RAD51B: variants seen among roughly 807,000 people sequenced by gnomAD.
The protein encoded by RAD51B is DNA repair protein RAD51 homolog 2.
A neutral mutation model predicts 42.2 loss-of-function variants in RAD51B; 38 were observed. The ratio of observed to expected loss-of-function variants is 0.90; its 90% CI spans 0.70 to 1.18. The LOEUF is 1.18. RAD51B is among the 50% of genes most tolerant of loss of function. RAD51B has a pLI of 0.00. For missense variants in RAD51B, 373 were observed against 400.7 expected (o/e 0.93, Z 0.59); for synonymous variants, 154 against 145.2 (o/e 1.06, Z -0.43).
At chr14:68,401,973 A>G (rs2084118573) in intron 8 of RAD51B, among the ~76,000 whole-genome samples, 1 of 152,216 alleles carries the variant, frequency 6.6e-6, no homozygotes, top group African/African-American at 2.4e-5. Context: ...TTATAGAGCT[A>G]GGTCAGAAAT....
rs867014074 is a variant in RAD51B at position 68,562,808 on chromosome 14, C to T, written c.1037-31677C>T. ...CCCATCCAGGGTATGGTACAGACAT[C>T]ACAAGGTAAGTATTCCAAGGCCAGA... On this transcript the variant is annotated intron_variant, in intron 10 of 10. Transcript: ENST00000487270. 7.2e-5 allele frequency: 71 copies of T among 985,262 alleles called. No individual in the cohort carries two copies. In the African/African-American group the frequency reaches 1.0e-3, roughly 14 times the overall value. The allele number at this position is 985,262 out of a possible 1,614,324, so 61.0% of individuals were successfully genotyped here.
chr14:67,894,306 A>G (rs1209139617), intron 7 of RAD51B, among the ~76,000 whole-genome samples: 1 of 152,232 alleles, frequency 6.6e-6, no homozygotes, highest in Non-Finnish European at 1.5e-5. Context: ...AGAAGGAAGA[A>G]TCATGTCTTA....
chr14:68,018,919 G>A (rs958213367), intron 7 of RAD51B, among the ~76,000 whole-genome samples: 9 of 151,928 alleles, frequency 5.9e-5, no homozygotes, highest in Non-Finnish European at 1.3e-4. Context: ...TTATTCTTTG[G>A]GCCTCAGACG....
At chr14:68,007,679 A>C (rs1323927016) in intron 7 of RAD51B, among the ~76,000 whole-genome samples, 1 of 152,014 alleles carries the variant, frequency 6.6e-6, no homozygotes, top group Admixed American at 6.6e-5. Flanking sequence ...GTCTTTTCAG[A>C]GCCTTTGCCT....
At chr14:68,007,204 C>T (rs1294916651) in intron 7 of RAD51B, among the ~76,000 whole-genome samples, 2 of 152,018 alleles carry the variant, frequency 1.3e-5, no homozygotes, top group Non-Finnish European at 2.9e-5. Context: ...TGTATTTATG[C>T]TTATTTTCTT....
intron 7 of RAD51B, among the ~76,000 whole-genome samples, chr14:67,911,810 A>G (rs1388619335): frequency 6.6e-6 from 1 of 152,122 alleles, no homozygotes; most frequent in East Asian, 1.9e-4. Context: ...ACTCCTTCCC[A>G]TTCTTTCCTC....
chr14:68,031,811 TG>T (rs2076048124), intron 7 of RAD51B, among the ~76,000 whole-genome samples: 2 of 152,226 alleles, frequency 1.3e-5, no homozygotes, highest in Non-Finnish European at 2.9e-5. Flanking sequence ...AAATCTGAGA[TG>T]GAAAATTTCT....
intron 7 of RAD51B, among the ~76,000 whole-genome samples, chr14:68,249,069 A>G (rs893673958): frequency 6.6e-6 from 1 of 152,238 alleles, no homozygotes; most frequent in African/African-American, 2.4e-5. Flanking sequence ...GGTTTACAGA[A>G]CAGGTGTTTT....
chr14:68,233,025 G>A (rs1404067634), intron 7 of RAD51B, among the ~76,000 whole-genome samples: 1 of 152,036 alleles, frequency 6.6e-6, no homozygotes, highest in East Asian at 1.9e-4. Context: ...ATGCTGGGAT[G>A]TGGGCTATAT....
chr14:68,482,656 A>C (rs762918055), downstream of RAD51B, among the ~76,000 whole-genome samples: 4 of 152,034 alleles, frequency 2.6e-5, no homozygotes, highest in Non-Finnish European at 5.9e-5. Flanking sequence ...TCTTCATTCC[A>C]CTCCAGAATT....
intron 7 of RAD51B, among the ~76,000 whole-genome samples, chr14:68,035,172 A>T (rs780617635): frequency 1.3e-5 from 2 of 152,048 alleles, no homozygotes; most frequent in African/African-American, 4.8e-5. Flanking sequence ...TTATTGTTTT[A>T]TCTTATTTAC....
chr14:68,150,912 C>T (rs578197901), intron 7 of RAD51B, among the ~76,000 whole-genome samples: 2 of 151,936 alleles, frequency 1.3e-5, no homozygotes, highest in East Asian at 1.9e-4. Flanking sequence ...AGTTATAAAT[C>T]CCACACTGAG....
At chr14:68,438,144 G>A (rs376046787) in intron 9 of RAD51B, among the ~76,000 whole-genome samples, 26 of 152,262 alleles carry the variant, frequency 1.7e-4, no homozygotes, top group East Asian at 1.4e-3. Context: ...GCAAGCCTGC[G>A]ACATCAGATT....
At position 67,872,129 on chromosome 14, in the gene RAD51B, G is replaced by T. The variant is rs1051308045; in HGVS notation, c.452+6990G>T. ...AAGGAAATAAAGGGTATTCAATTAG[G>T]AAAAGAGGAAGTCAAATTGTCCCTG... On this transcript the variant is annotated intron_variant, in intron 5 of 10. Coordinates refer to ENST00000471583, the MANE Select transcript of RAD51B (RefSeq NM_133510.4). 8.6e-3 allele frequency among the ~76,000 whole-genome samples: 1,290 copies of T among 150,530 alleles called. 19 individuals carry two copies. The highest frequency in any genetic ancestry group is 0.03 in the African/African-American group (1,217 of 40,742).
intron 9 of RAD51B, among the ~76,000 whole-genome samples, chr14:68,442,738 C>T (rs556959054): frequency 3.3e-5 from 5 of 152,034 alleles, no homozygotes; most frequent in Non-Finnish European, 5.9e-5. Context: ...TACACCCGGC[C>T]GGTGCAGCTT....
chr14:68,444,519 G>T (rs556463851), intron 9 of RAD51B, among the ~76,000 whole-genome samples: 154 of 152,148 alleles, frequency 1.0e-3, no homozygotes, highest in Non-Finnish European at 1.9e-3. Context: ...TATTGGAATG[G>T]AAATTAAACC....
intron 9 of RAD51B, among the ~76,000 whole-genome samples, chr14:68,463,444 G>C (rs1056660125): frequency 6.6e-6 from 1 of 151,932 alleles, no homozygotes; most frequent in Non-Finnish European, 1.5e-5. Flanking sequence ...AGAATCTTCA[G>C]GTTAGAAAAC....
intron 10 of RAD51B, among the ~76,000 whole-genome samples, chr14:68,609,062 G>A (rs904406003): frequency 1.3e-5 from 2 of 152,208 alleles, no homozygotes; most frequent in Non-Finnish European, 2.9e-5. Context: ...CCCTTCACCT[G>A]TTCCTTCTCC....
chr14:68,415,031 CAAAAAAAAAAAA>C (rs71129885), intron 9 of RAD51B, among the ~76,000 whole-genome samples: 2 of 32,512 alleles, frequency 6.2e-5, no homozygotes, highest in South Asian at 2.6e-3. Flanking sequence ...GACTCTGTCT[CAAAAAAAAAAAA>C]AAAAAAAAAA....
Sources: gnomAD v4.1 joint callset for allele counts (sites outside exome capture counted in the v4.1 genomes callset) on GRCh38, gnomAD v4.1.1 for gene constraint, MANE v1.5 for transcripts, NCBI Gene and HGNC (gene_info 2026-07-23, HGNC 2026-07-21) for gene names.